ELK3: variants seen among roughly 807,000 people sequenced by gnomAD.
The protein encoded by ELK3 is ETS transcription factor ELK3.
A neutral mutation model predicts 28.9 loss-of-function variants in ELK3; 10 were observed. That is an observed-to-expected ratio of 0.35 (90% CI 0.21 to 0.59). The LOEUF (loss-of-function observed/expected upper bound fraction) is 0.59, where lower values mean the gene tolerates loss of function less well. ELK3 is among the 20% of genes least tolerant of loss of function. The pLI is 0.82. For missense variants in ELK3, 463 were observed against 517.3 expected, an observed-to-expected ratio of 0.90 and a Z score of 1.02; for synonymous variants, 272 against 243.5, an observed-to-expected ratio of 1.12 and a Z score of -1.09.
intron 1 of ELK3, among the ~76,000 whole-genome samples, chr12:96,220,231 T>A (rs2137012209): frequency 6.6e-6 from 1 of 152,134 alleles, no homozygotes; most frequent in African/African-American, 2.4e-5. Flanking sequence ...CTTTCACCTG[T>A]CCTTTTTGTC....
chr12:96,228,415 TCAAAAA>T (rs1425550106), intron 2 of ELK3, among the ~76,000 whole-genome samples: 1 of 32,930 alleles, frequency 3.0e-5, no homozygotes, highest in Non-Finnish European at 4.9e-5. Context: ...AGACTCTGTG[TCAAAAA>T]AAAAAAAAAA....
intron 2 of ELK3, among the ~76,000 whole-genome samples, chr12:96,227,498 A>C (rs377104063): frequency 2.6e-5 from 4 of 152,214 alleles, no homozygotes; most frequent in Non-Finnish European, 5.9e-5. Flanking sequence ...TTAGCAGAGA[A>C]AAAAGTGGAA....
At chr12:96,233,734 G>T (rs565413406) in intron 2 of ELK3, among the ~76,000 whole-genome samples, 1 of 152,170 alleles carries the variant, frequency 6.6e-6, no homozygotes, top group Admixed American at 6.5e-5. Flanking sequence ...AGTGGAGAAG[G>T]AACAAACATC....
chr12:96,234,342 C>T (rs1437451738), intron 2 of ELK3, among the ~76,000 whole-genome samples: 2 of 152,202 alleles, frequency 1.3e-5, no homozygotes, highest in Non-Finnish European at 2.9e-5. Flanking sequence ...CTTGCCAGAT[C>T]CACTTACGTC....
intron 2 of ELK3, among the ~76,000 whole-genome samples, chr12:96,239,380 A>C (rs1951805094): frequency 6.6e-6 from 1 of 152,142 alleles, no homozygotes; most frequent in African/African-American, 2.4e-5. Flanking sequence ...TGTCCCCTGA[A>C]GTAGCTACGT....
At chr12:96,196,607 A>T (rs1951470055) in intron 1 of ELK3, among the ~76,000 whole-genome samples, 1 of 152,184 alleles carries the variant, frequency 6.6e-6, no homozygotes. Context: ...AGGAGGGCAC[A>T]TGGGTCAGGC....
intron 1 of ELK3, among the ~76,000 whole-genome samples, chr12:96,209,567 G>C (rs759976356): frequency 5.9e-5 from 9 of 152,132 alleles, no homozygotes; most frequent in Non-Finnish European, 8.8e-5. Flanking sequence ...GAAAGATTAG[G>C]GTTTCATTCT....
At chr12:96,236,311 C>T (rs748008622) in intron 2 of ELK3, among the ~76,000 whole-genome samples, 5 of 152,162 alleles carry the variant, frequency 3.3e-5, no homozygotes, top group Admixed American at 6.5e-5. Context: ...GGGTGTCCTG[C>T]CAGGCCAGCA....
At chr12:96,228,415 TCAAAAAAAA>T (rs1484655032) in intron 2 of ELK3, among the ~76,000 whole-genome samples, 2 of 32,928 alleles carry the variant, frequency 6.1e-5, no homozygotes, top group Admixed American at 4.7e-4. Flanking sequence ...AGACTCTGTG[TCAAAAAAAA>T]AAAAAAAAAA....
At position 96,259,798 on chromosome 12, in the gene ELK3, G is replaced by A. The variant is rs373673671; in HGVS notation, c.1070G>A (p.Ser357Asn). ...LSSIHFWSSL[S>N]PVAPLSPARL... is the part of the protein sequence containing the mutation. ...AGCATACATTTCTGGAGCAGCCTTA[G>A]TCCAGTTGCTCCGCTGAGTCCTGCC... is the stretch of plus-strand genomic sequence containing the variant. The change falls in exon 4 of 5, where the codon AGT becomes AAT. Residue 357 changes from serine to asparagine, a missense_variant. By Grantham distance (46) the Ser-to-Asn change is conservative. Around this residue, in one of 2 missense-constraint regions of ELK3, gnomAD observed 408 missense variants for 414.8 expected, o/e 0.98. Transcript: ENST00000228741. 4.3e-6 allele frequency: 7 copies of A among 1,611,006 alleles called. 1 individual carries two copies. Among genetic ancestry groups the A allele is most frequent in the Non-Finnish European group, 5.9e-6 (7 of 1,179,284 alleles).
intron 3 of ELK3, among the ~76,000 whole-genome samples, chr12:96,250,725 G>T (rs1385562306): frequency 1.3e-5 from 2 of 152,200 alleles, no homozygotes; most frequent in East Asian, 1.9e-4. Flanking sequence ...CTCTGTGTGT[G>T]GGGGGTGTGC....
rs548938595 is a variant in ELK3, at chr12:96,246,431, G to A, written c.208-509G>A. Among the ~76,000 whole-genome samples the A allele has an allele frequency of 2.0e-3, 297 of 152,190 alleles. 1 individual carries two copies. Among genetic ancestry groups the A allele is most frequent in the Non-Finnish European group, 3.5e-3 (238 of 68,036 alleles). ...AATCCTCACTCGGCCAAGGTTGGGG[G>A]ATTGCTTGAGTCCAGGAGTTTGAGA... On this transcript the variant is annotated intron_variant, in intron 2 of 4. Transcript: ENST00000228741.
rs1347240576 is a variant in ELK3 at position 96,268,917 on chromosome 12, T to TAG, written c.*1739_*1740dup. On this transcript the variant is annotated 3_prime_UTR_variant, in exon 5 of 5. Transcript: ENST00000228741. ...CACTGGTTCCAAAATTCACAAATAA[T>TAG]AGACACTACTGTCCCCCCACCCCCA... 2 of 152,270 alleles carry TAG rather than the reference T, an allele frequency of 1.3e-5. No individual in the cohort carries two copies. The highest frequency in any genetic ancestry group is 3.9e-4 in the East Asian group (2 of 5,184). 9.4% of individuals were successfully genotyped at this position (152,270 alleles called of 1,614,324 possible).
At chr12:96,214,776 C>T (rs1951599205) in intron 1 of ELK3, among the ~76,000 whole-genome samples, 1 of 152,018 alleles carries the variant, frequency 6.6e-6, no homozygotes, top group Admixed American at 6.5e-5. Flanking sequence ...ATACCTTACA[C>T]TTACTCTGTG....
Position 96,213,971 on chromosome 12 carries a change from T to TC in ELK3, c.-2-9592dup, listed in dbSNP as rs1222004120. 7 of 105,160 alleles carry TC rather than the reference T, an allele frequency of 6.7e-5. 1 individual carries two copies. Among genetic ancestry groups the TC allele is most frequent in the African/African-American group, 2.7e-4 (7 of 25,756 alleles). The allele number at this position is 105,160 out of a possible 1,614,324, so 6.5% of individuals were successfully genotyped here. ...ACTCCTAGGCACAAACTGTCCTCCC[T>TC]CCTCGGTCTCCCAAAGTGCTGGGAT... is the stretch of plus-strand genomic sequence containing the variant. On this transcript the variant is annotated intron_variant, in intron 1 of 4. Coordinates refer to ENST00000228741, the MANE Select transcript of ELK3 (RefSeq NM_005230.4).
chr12:96,219,413 A>G (rs1172666397), intron 1 of ELK3, among the ~76,000 whole-genome samples: 6 of 152,236 alleles, frequency 3.9e-5, no homozygotes, highest in African/African-American at 1.2e-4. Context: ...ATGATGGTAC[A>G]AAGTCTGTGT....
chr12:96,204,564 T>C (rs1169140568), intron 1 of ELK3, among the ~76,000 whole-genome samples: 1 of 152,104 alleles, frequency 6.6e-6, no homozygotes, highest in Non-Finnish European at 1.5e-5. Context: ...TTGCACGTAA[T>C]TGTCAGAATA....
Position 96,247,665 on chromosome 12 carries a change from C to T in ELK3, c.933C>T (p.Ile311=), listed in dbSNP as rs146086544. 2.2e-5 allele frequency: 36 copies of T among 1,612,264 alleles called. No individual in the cohort carries two copies. In the African/African-American group the frequency reaches 2.5e-4, roughly 11 times the overall value. The part of the protein sequence containing the change: ...APPLVLSGTD[I]GSIALNSPAL... Reference sequence around the variant, plus strand: ...CGCTGGTGCTCTCCGGCACCGACATCGGCTCCATCGCCCTCAACAGCCCAG... The same window carrying T: ...CGCTGGTGCTCTCCGGCACCGACATTGGCTCCATCGCCCTCAACAGCCCAG... Residue 311 remains isoleucine, a synonymous_variant, in exon 3 of 5, where the codon ATC becomes ATT. Coordinates refer to ENST00000228741, the MANE Select transcript of ELK3 (RefSeq NM_005230.4). The surrounding 1 kb of genome is among the most constrained non-coding windows in gnomAD (Gnocchi z 5.5).
chr12:96,236,163 C>G (rs564694399), intron 2 of ELK3, among the ~76,000 whole-genome samples: 1 of 152,230 alleles, frequency 6.6e-6, no homozygotes, highest in South Asian at 2.1e-4. Context: ...ACTTAAAAGG[C>G]CTTTGAATAA....
Sources: gnomAD v4.1 joint callset for allele counts (sites outside exome capture counted in the v4.1 genomes callset) on GRCh38, gnomAD v4.1.1 for gene constraint, gnomAD v4.1.1 regional missense constraint, Gnocchi (gnomAD v3.1) non-coding constraint, MANE v1.5 for transcripts, NCBI Gene and HGNC (gene_info 2026-07-23, HGNC 2026-07-21) for gene names.